Variants in RET observed in about 807,000 individuals in gnomAD.
RET encodes ret proto-oncogene, also known as proto-oncogene tyrosine-protein kinase receptor Ret.
A neutral mutation model predicts 118.3 loss-of-function variants in RET; 19 were observed. The observed-to-expected ratio is 0.16, with a 90% CI of 0.11 to 0.24. The LOEUF is 0.24. Among genes scored for constraint, RET ranks in the 10% least tolerant of loss-of-function variants. The probability of loss-of-function intolerance (pLI) is 1.00; values close to 1 mark genes in which losing one functional copy is unlikely to be tolerated. For missense variants in RET, 1,219 were observed against 1,502.1 expected, an observed-to-expected ratio of 0.81 and a Z score of 3.12; for synonymous variants, 597 against 644.1, an observed-to-expected ratio of 0.93 and a Z score of 1.11.
chr10:43,128,501 TGG>T lies in RET; in HGVS notation c.*233_*234del. 1 of 595,098 alleles carries T rather than the reference TGG, an allele frequency of 1.7e-6. No homozygotes were observed. The highest frequency in any genetic ancestry group is 2.7e-5 in the Admixed American group (1 of 37,538). The allele number at this position is 595,098 out of a possible 1,614,324, so 36.9% of individuals were successfully genotyped here. ...ACCGGGTAAGAGCTCTGAGTCTTAG[TGG>T]TTAAGCATTCCTTTCTCTTCAGTGC... On this transcript the variant is annotated 3_prime_UTR_variant, in exon 20 of 20. Coordinates refer to ENST00000355710, the MANE Select transcript of RET (RefSeq NM_020975.6).
Position 43,089,791 on chromosome 10 carries a change from G to A in RET, c.74-10668G>A, listed in dbSNP as rs75696129. Reference sequence around the variant, plus strand: ...ATAGGCAGGGCATCTGGAGGAAGCCGTCCCTGCCAAGAGCAGGTTGAGTGT... The same window carrying A: ...ATAGGCAGGGCATCTGGAGGAAGCCATCCCTGCCAAGAGCAGGTTGAGTGT... On this transcript the variant is annotated intron_variant, in intron 1 of 19. Transcript: ENST00000355710. Among the ~76,000 whole-genome samples the A allele has an allele frequency of 1.7e-3, 255 of 152,364 alleles. 4 individuals carry two copies. The East Asian group carries it at 0.038, about 23-fold the overall frequency.
intron 11 of RET, among the ~76,000 whole-genome samples, chr10:43,116,018 TG>T (rs1242115632): frequency 2.6e-5 from 4 of 152,058 alleles, no homozygotes; most frequent in African/African-American, 9.7e-5. Flanking sequence ...GTTCAAGTAC[TG>T]GGGGCCAGGG....
At chr10:43,085,681 C>T (rs145041037) in intron 1 of RET, among the ~76,000 whole-genome samples, 51 of 152,244 alleles carry the variant, frequency 3.3e-4, no homozygotes, top group African/African-American at 1.1e-3. Context: ...CTGAGGGAGG[C>T]GTGAGTTGTC....
At chr10:43,080,858 C>T (rs1053664118) in intron 1 of RET, among the ~76,000 whole-genome samples, 2 of 152,202 alleles carry the variant, frequency 1.3e-5, no homozygotes, top group African/African-American at 4.8e-5. Context: ...CTGCCAGTGG[C>T]GGTGCAGATG....
rs1554820320 is a variant in RET at position 43,128,227 on chromosome 10, T to C, written c.3303T>C (p.Leu1101=). 3 of 1,614,220 alleles carry C rather than the reference T, an allele frequency of 1.9e-6. No homozygotes were observed. Among genetic ancestry groups the C allele is most frequent in the Non-Finnish European group, 2.5e-6 (3 of 1,180,044 alleles). The change falls in exon 20 of 20, where the codon CTT becomes CTC. Residue 1101 remains leucine, a synonymous_variant. Transcript: ENST00000355710. Reference sequence around the variant, plus strand: ...ATAGTGTATATGCTAACTGGATGCTTTCACCCTCAGCGGCAAAATTAATGG... The same window carrying C: ...ATAGTGTATATGCTAACTGGATGCTCTCACCCTCAGCGGCAAAATTAATGG... The part of the protein sequence containing the change: ...PNDSVYANWM[L]SPSAAKLMDT...
At chr10:43,113,420 TG>T in intron 9 of RET, 135 bp from the exon 10 acceptor site, 1 of 1,061,244 alleles carries the variant, frequency 9.4e-7, no homozygotes, top group Non-Finnish European at 1.3e-6. Context: ...GCCAAGCTGC[TG>T]GGCCCCTGGC....
intron 1 of RET, among the ~76,000 whole-genome samples, chr10:43,079,100 C>T (rs1296597541): frequency 2.0e-5 from 3 of 152,206 alleles, no homozygotes; most frequent in South Asian, 2.1e-4. Context: ...CGCCCTCTTG[C>T]GGACGCTGCA....
At chr10:43,087,624 G>A (rs1367595540) in intron 1 of RET, among the ~76,000 whole-genome samples, 1 of 152,240 alleles carries the variant, frequency 6.6e-6, no homozygotes, top group Admixed American at 6.5e-5. Context: ...GGCTGATGCA[G>A]TGTGCTCCCG....
rs2132857253 is a variant in RET, at chr10:43,114,807, G to T, written c.2136+71G>T. ...TGCCTTCCAGGGAGGGAGGCCAGCT[G>T]GGGAGACAGAGGCCATCCTGTGAGG... On this transcript the variant is annotated intron_variant, in intron 11 of 19. Transcript: ENST00000355710. The surrounding 1 kb of genome is among the most constrained non-coding windows in gnomAD (Gnocchi z 4.6). The T allele has an allele frequency of 6.6e-7, 1 of 1,504,300 alleles. No individual in the cohort carries two copies. The highest frequency in any genetic ancestry group is 1.2e-5 in the South Asian group (1 of 82,722). The allele number at this position is 1,504,300 out of a possible 1,614,324, so 93.2% of individuals were successfully genotyped here. A position where few individuals can be genotyped will look rare whatever the true frequency, so the allele number is the denominator to read the frequency against.
At chr10:43,111,538 GA>G (rs2132780091) in intron 7 of RET, 73 bp downstream of exon 7, 2 of 1,515,930 alleles carry the variant, frequency 1.3e-6, no homozygotes, top group Non-Finnish European at 1.8e-6. Flanking sequence ...TGCCCTTTGA[GA>G]AAAGCAGTAC....
chr10:43,102,707 A>G (rs534586541), intron 3 of RET, 78 bp downstream of exon 3: 2 of 1,556,412 alleles, frequency 1.3e-6, no homozygotes, highest in African/African-American at 1.4e-5. Flanking sequence ...GACACAAGCC[A>G]TCTGGTTTAT....
In RET at chr10:43,126,727, A is replaced by C. The variant is rs1457645623; in HGVS notation, c.3187+5A>C. 6.2e-7 allele frequency: 1 copy of C among 1,613,864 alleles called. No individual in the cohort carries two copies. Among genetic ancestry groups the C allele is most frequent in the South Asian group, 1.1e-5 (1 of 91,078 alleles). On this transcript the variant is annotated splice_donor_5th_base_variant and intron_variant, in intron 19 of 19. Transcript: ENST00000355710. ...GGATTGAAAACAAACTCTATGGTAGAATTTCCCATGCATTTACTAGATTCT... is the reference window on the plus strand; with the variant it reads ...GGATTGAAAACAAACTCTATGGTAGCATTTCCCATGCATTTACTAGATTCT...
chr10:43,112,741 T>C, intron 8 of RET, 112 bp from the exon 9 acceptor site: 2 of 807,132 alleles, frequency 2.5e-6, no homozygotes, highest in Admixed American at 2.0e-5. Context: ...GGTGTTTCCC[T>C]ACTCAGGCCT....
chr10:43,108,734 C>T (rs941971773), intron 5 of RET, among the ~76,000 whole-genome samples: 1 of 152,128 alleles, frequency 6.6e-6, no homozygotes, highest in African/African-American at 2.4e-5. Flanking sequence ...ACCACACACA[C>T]GCATACCATG....
chr10:43,109,327 C>A, intron 6 of RET, 97 bp downstream of exon 6: 1 of 1,220,650 alleles, frequency 8.2e-7, no homozygotes, highest in Non-Finnish European at 1.2e-6. Context: ...GCCCAACCAG[C>A]ACAGAGTAGA....
At chr10:43,112,326 G>A (rs1369803373) in intron 8 of RET, 102 bp downstream of exon 8, 2 of 1,513,244 alleles carry the variant, frequency 1.3e-6, no homozygotes. Context: ...CCCTGCTCCA[G>A]GTCTGCTTCT....
chr10:43,115,415 C>T (rs1041076025), intron 11 of RET, among the ~76,000 whole-genome samples: 4 of 152,134 alleles, frequency 2.6e-5, no homozygotes, highest in Non-Finnish European at 5.9e-5. Flanking sequence ...CCTGAGGCCT[C>T]GGCCCTGGAG....
intron 11 of RET, among the ~76,000 whole-genome samples, chr10:43,115,527 G>A (rs1410815089): frequency 6.6e-6 from 1 of 152,218 alleles, no homozygotes; most frequent in East Asian, 1.9e-4. Flanking sequence ...CTAATTGGTG[G>A]TCCCCATCCT....
rs566977684 is a variant in RET at position 43,113,101 on chromosome 10, A to C, written c.1759+138A>C. On this transcript the variant is annotated intron_variant, in intron 9 of 19. Coordinates refer to ENST00000355710, the MANE Select transcript of RET (RefSeq NM_020975.6). ...TGAGCCTCCTGTGCATTTCAGCATC[A>C]CCCTAGCCATGGGGAGGGAGCAGGC... is the stretch of plus-strand genomic sequence containing the variant. The C allele has an allele frequency of 1.3e-3, 1,003 of 767,870 alleles. 1 individual carries two copies. The highest frequency in any genetic ancestry group is 2.0e-3 in the Non-Finnish European group (866 of 440,368). 47.6% of individuals were successfully genotyped at this position (767,870 alleles called of 1,614,324 possible).
Sources: allele counts gnomAD v4.1 joint callset (sites outside exome capture counted in the v4.1 genomes callset), GRCh38; gene constraint gnomAD v4.1.1; non-coding constraint Gnocchi (gnomAD v3.1); transcripts MANE v1.5; gene names NCBI Gene and HGNC (gene_info 2026-07-23, HGNC 2026-07-21).